Variants in SEL1L3 observed in about 807,000 individuals in gnomAD.
The protein encoded by SEL1L3 is protein sel-1 homolog 3.
SEL1L3 carries 76 observed loss-of-function variants against 142.8 expected under a neutral mutation model. That is an observed-to-expected ratio of 0.53 (90% CI 0.44 to 0.64). SEL1L3 has a LOEUF of 0.64. SEL1L3 is among the 30% of genes least tolerant of loss of function. The probability of loss-of-function intolerance (pLI) is 0.00; values close to 1 mark genes in which losing one functional copy is unlikely to be tolerated. For synonymous variants in SEL1L3, 504 were observed against 519.6 expected, an observed-to-expected ratio of 0.97 and a Z score of 0.41; for missense variants, 1,262 against 1,381.7, an observed-to-expected ratio of 0.91 and a Z score of 1.37.
intron 1 of SEL1L3, among the ~76,000 whole-genome samples, chr4:25,849,601 A>G (rs1716754276): frequency 2.6e-5 from 4 of 152,176 alleles, no homozygotes; most frequent in Admixed American, 2.6e-4. Context: ...TGAGACAGAA[A>G]GTGGTGCTGG....
At chr4:25,794,665 A>G (rs1000963344) in intron 11 of SEL1L3, among the ~76,000 whole-genome samples, 2 of 152,210 alleles carry the variant, frequency 1.3e-5, no homozygotes, top group African/African-American at 4.8e-5. Flanking sequence ...ACGATTCCCC[A>G]AAGACCTAGA....
At chr4:25,769,722 T>C (rs567940538) in intron 17 of SEL1L3, among the ~76,000 whole-genome samples, 8 of 152,220 alleles carry the variant, frequency 5.3e-5, no homozygotes, top group African/African-American at 1.4e-4. Flanking sequence ...CAGGGATTGA[T>C]GAGGAAAGGA....
At chr4:25,766,892 G>A (rs893859206) in intron 19 of SEL1L3, among the ~76,000 whole-genome samples, 2 of 152,168 alleles carry the variant, frequency 1.3e-5, no homozygotes, top group Non-Finnish European at 1.5e-5. Flanking sequence ...AGTTCCTGGA[G>A]GCCAGTCCCC....
rs1577638494 is a variant in SEL1L3 at position 25,809,020 on chromosome 4, C to T, written c.1565-4268G>A. On this transcript the variant is annotated intron_variant, in intron 9 of 23. Transcript: ENST00000399878. ...CCCGGGAGGCAGAGCTTGCAGTGAG[C>T]CGAGATCGCGCCACTGCACTCCAGC... Among the ~76,000 whole-genome samples, 3 of 146,314 alleles carry T rather than the reference C, an allele frequency of 2.1e-5. No individual in the cohort carries two copies. In the South Asian group the frequency reaches 6.7e-4, roughly 33 times the overall value.
At position 25,758,379 on chromosome 4, in the gene SEL1L3, G is replaced by A. The variant is rs758315146; in HGVS notation, c.3083+562C>T. On this transcript the variant is annotated intron_variant, in intron 21 of 23. Coordinates refer to ENST00000399878, the MANE Select transcript of SEL1L3 (RefSeq NM_015187.5). ...CCAGCTACTTAGGAGGCTGAGGCAT[G>A]AGAATCACTTGAACCCAAGAAGTGG... Among the ~76,000 whole-genome samples, 2 of 152,186 alleles carry A rather than the reference G, an allele frequency of 1.3e-5. 1 individual carries two copies. Among genetic ancestry groups the A allele is most frequent in the African/African-American group, 4.8e-5 (2 of 41,446 alleles).
intron 23 of SEL1L3, among the ~76,000 whole-genome samples, chr4:25,751,820 A>G (rs1717610845): frequency 6.6e-6 from 1 of 151,908 alleles, no homozygotes; most frequent in South Asian, 2.1e-4. Flanking sequence ...TTTAAAAAAT[A>G]GTTGAATGGG....
chr4:25,853,764 C>T (rs1442578774), intron 1 of SEL1L3, among the ~76,000 whole-genome samples: 2 of 149,672 alleles, frequency 1.3e-5, no homozygotes, highest in Admixed American at 1.3e-4. Flanking sequence ...CTCCGCCTCC[C>T]GGGTTCTAGC....
chr4:25,745,192 C>T (rs920749833), downstream of SEL1L3, among the ~76,000 whole-genome samples: 1 of 152,008 alleles, frequency 6.6e-6, no homozygotes, highest in Non-Finnish European at 1.5e-5. Flanking sequence ...GTCAGGAGTT[C>T]AAGCCCAGCT....
intron 16 of SEL1L3, chr4:25,776,640 C>G (rs1243774761): frequency 2.9e-6 from 1 of 342,518 alleles, no homozygotes; most frequent in African/African-American, 2.1e-5. Context: ...AAAATATAAT[C>G]TCTACCAAGA....
At chr4:25,836,503 T>A (rs1402893525) in intron 2 of SEL1L3, among the ~76,000 whole-genome samples, 1 of 151,832 alleles carries the variant, frequency 6.6e-6, no homozygotes, top group African/African-American at 2.4e-5. Flanking sequence ...AAAAAAAAAA[T>A]TAGCCGGGCA....
chr4:25,863,280 C>A (rs535596329), upstream of SEL1L3, among the ~76,000 whole-genome samples: 2 of 116,780 alleles, frequency 1.7e-5, no homozygotes, highest in South Asian at 6.5e-4. Context: ...CGCTCCTGCT[C>A]TCTGCGATCC....
intron 7 of SEL1L3, among the ~76,000 whole-genome samples, chr4:25,821,672 C>T: frequency 6.6e-6 from 1 of 152,130 alleles, no homozygotes; most frequent in East Asian, 1.9e-4. Flanking sequence ...GAAGGTTTAC[C>T]AAATAACTAA....
At chr4:25,737,628 T>C in the SEL1L3 span, among the ~76,000 whole-genome samples, 1 of 152,130 alleles carries the variant, frequency 6.6e-6, no homozygotes, top group Non-Finnish European at 1.5e-5. Context: ...AAACATTCAG[T>C]CCATAACAAA....
rs182015438 is a variant in SEL1L3, at chr4:25,859,066, T to C, written c.162+3609A>G. On this transcript the variant is annotated intron_variant, in intron 1 of 23. Coordinates refer to ENST00000399878, the MANE Select transcript of SEL1L3 (RefSeq NM_015187.5). ...GAGCTTAGAACGAACAAAATTGTTT[T>C]CTGGAAGTGCCATTATCACAGATAG... is the stretch of plus-strand genomic sequence containing the variant. Among the ~76,000 whole-genome samples the C allele has an allele frequency of 1.8e-3, 280 of 152,360 alleles. 1 individual carries two copies. The highest frequency in any genetic ancestry group is 6.3e-3 in the African/African-American group (264 of 41,586).
the SEL1L3 span, among the ~76,000 whole-genome samples, chr4:25,724,751 AAAAAAAAAAAAAAAAAAAAAG>A: frequency 4.3e-3 from 547 of 126,822 alleles, 14 homozygotes; most frequent in Non-Finnish European, 7.8e-3. Flanking sequence ...AAAAAAAAAA[AAAAAAAAAAAAAAAAAAAAAG>A]GAAAAGAAAT....
In SEL1L3 at chr4:25,847,796, G is replaced by T. The variant is rs755508877; in HGVS notation, c.231C>A (p.Ser77Arg). ...TTSVIPKAEQSVAYKDFIYFT... is the reference protein window; with the variant it reads ...TTSVIPKAEQRVAYKDFIYFT... ...AATAAATAAAGTCTTTGTAAGCCAC[G>T]CTCTGCTCAGCTTTGGGTATCACTG... Residue 77 changes from serine to arginine, a missense_variant, in exon 2 of 24, where the codon AGC (serine) becomes AGA (arginine). Ser to Arg is a moderately radical substitution (Grantham distance 110, BLOSUM62 -1). Around this residue, in one of 3 missense-constraint regions of SEL1L3, gnomAD observed 689 missense variants for 692.8 expected, o/e 0.99. Transcript: ENST00000399878. 2 of 1,612,514 alleles carry T rather than the reference G, an allele frequency of 1.2e-6. No individual in the cohort carries two copies. Among genetic ancestry groups the T allele is most frequent in the South Asian group, 1.1e-5 (1 of 90,828 alleles).
intron 1 of SEL1L3, among the ~76,000 whole-genome samples, chr4:25,858,572 A>AT (rs139555950): frequency 0.011 from 1,607 of 149,528 alleles, 11 homozygotes; most frequent in Non-Finnish European, 0.017. Context: ...GTTTTTTTTG[A>AT]TTTTTTTGTT....
chr4:25,715,407 T>C, the SEL1L3 span, among the ~76,000 whole-genome samples: 1 of 152,142 alleles, frequency 6.6e-6, no homozygotes, highest in African/African-American at 2.4e-5. Context: ...ATCGGGTTGG[T>C]AAAAATCCAG....
chr4:25,782,102 T>G (rs1466356434), intron 15 of SEL1L3, 140 bp downstream of exon 15: 1 of 716,384 alleles, frequency 1.4e-6, no homozygotes, highest in Non-Finnish European at 2.3e-6. Context: ...CACTATCTTG[T>G]TTTCCTACGA....
Sources: allele counts gnomAD v4.1 joint callset (sites outside exome capture counted in the v4.1 genomes callset), GRCh38; gene constraint gnomAD v4.1.1; regional missense constraint gnomAD v4.1.1; transcripts MANE v1.5; gene names NCBI Gene and HGNC (gene_info 2026-07-23, HGNC 2026-07-21).